Variants in LRP5 observed in about 807,000 individuals in gnomAD.
The protein encoded by LRP5 is LDL receptor related protein 5.
LRP5 carries 62 observed loss-of-function variants against 154.1 expected under a neutral mutation model. The ratio of observed to expected loss-of-function variants is 0.40; its 90% CI spans 0.33 to 0.50. The LOEUF (loss-of-function observed/expected upper bound fraction) is 0.50. Among genes scored for constraint, LRP5 ranks in the 20% least tolerant of loss-of-function variants. The pLI is 0.55. For missense variants in LRP5, 1,915 were observed against 2,336.7 expected (o/e 0.82, Z 3.72); for synonymous variants, 966 against 1,011.5 (o/e 0.96, Z 0.85).
intron 13 of LRP5, among the ~76,000 whole-genome samples, chr11:68,418,013 A>G (rs1319130559): frequency 1.3e-5 from 2 of 152,214 alleles, no homozygotes; most frequent in African/African-American, 4.8e-5. Context: ...GGCCTGTTCC[A>G]CAAATGATGT....
Position 68,416,431 on chromosome 11 carries a change from G to A in LRP5, c.2931G>A (p.Arg977=), listed in dbSNP as rs2098662582. ...PDLILPLHGL[R]NVKAIDYDPL... is the part of the protein sequence containing the mutation. ...TCATCCTGCCCCTGCATGGACTGAG[G>A]AACGTCAAAGCCATCGACTATGACC... The change falls in exon 13 of 23, where the codon AGG becomes AGA. Residue 977 remains arginine, a synonymous_variant. Transcript: ENST00000294304. 1 of 1,614,190 alleles carries A rather than the reference G, an allele frequency of 6.2e-7. No individual in the cohort carries two copies. Among genetic ancestry groups the A allele is most frequent in the Non-Finnish European group, 8.5e-7 (1 of 1,180,040 alleles).
intron 4 of LRP5, among the ~76,000 whole-genome samples, chr11:68,364,224 A>C (rs947859611): frequency 6.6e-6 from 1 of 151,932 alleles, no homozygotes; most frequent in African/African-American, 2.4e-5. Flanking sequence ...CAGCAGTGGC[A>C]AGGGGATTTC....
the LRP5 span, among the ~76,000 whole-genome samples, chr11:68,303,227 G>C: frequency 6.6e-6 from 1 of 152,176 alleles, no homozygotes; most frequent in African/African-American, 2.4e-5. Flanking sequence ...AACCTCCTGG[G>C]TTCAAGTGAT....
chr11:68,354,108 A>T lies in LRP5; in HGVS notation c.489-3542A>T, dbSNP rs79340085. 2.9e-3 allele frequency among the ~76,000 whole-genome samples: 434 copies of T among 152,248 alleles called. 14 individuals are homozygous for T. In the East Asian group the frequency reaches 0.079, roughly 28 times the overall value. On this transcript the variant is annotated intron_variant, in intron 2 of 22. Transcript: ENST00000294304. Reference sequence around the variant, plus strand: ...CAAATTAAAGCCAGGGTGAAACCCAACCCCCTCTTTAAAATGCAAAATGGC... The same window carrying T: ...CAAATTAAAGCCAGGGTGAAACCCATCCCCCTCTTTAAAATGCAAAATGGC...
chr11:68,426,469 G>C (rs974232696), intron 16 of LRP5, among the ~76,000 whole-genome samples: 1 of 142,482 alleles, frequency 7.0e-6, no homozygotes, highest in Non-Finnish European at 1.5e-5. Context: ...CTGTTGCCCA[G>C]GCTGGGGTGC....
In LRP5 at chr11:68,413,735, T is replaced by C. The variant is rs759051327; in HGVS notation, c.2550T>C (p.Gly850=). ...CCGACGATCTCCCGCACCCGTTCGG[T>C]CTGACGCAGTACAGCGATTATATCT... ...VIADDLPHPF[G]LTQYSDYIYW... is the part of the protein sequence containing the mutation. Residue 850 remains glycine, a synonymous_variant, in exon 12 of 23, where the codon GGT becomes GGC. Transcript: ENST00000294304. The surrounding 1 kb of genome is among the most constrained non-coding windows in gnomAD (Gnocchi z 5.1). 2 of 1,613,708 alleles carry C rather than the reference T, an allele frequency of 1.2e-6. No individual in the cohort carries two copies. The highest frequency in any genetic ancestry group is 2.7e-5 in the African/African-American group (2 of 75,030).
At chr11:68,371,454 G>C (rs1238308030) in intron 5 of LRP5, among the ~76,000 whole-genome samples, 1 of 152,238 alleles carries the variant, frequency 6.6e-6, no homozygotes, top group Non-Finnish European at 1.5e-5. Flanking sequence ...GCAGCCTGGG[G>C]CTTTAGTATC....
Position 68,449,045 on chromosome 11 carries a change from C to T in LRP5, c.4823C>T (p.Pro1608Leu), listed in dbSNP as rs890622542. The change falls in exon 23 of 23, where the codon CCG (proline) becomes CTG (leucine). Residue 1608 changes from proline (P) to leucine (L), a missense_variant. Coordinates refer to ENST00000294304, the MANE Select transcript of LRP5 (RefSeq NM_002335.4). ...RSYFHLFPPP[P>L]SPCTDSS is the part of the protein sequence containing the mutation. ...TACTTCCATCTCTTCCCGCCCCCTC[C>T]GTCCCCCTGCACGGACTCATCCTGA... is the stretch of plus-strand genomic sequence containing the variant. 2.2e-5 allele frequency: 35 copies of T among 1,578,110 alleles called. No individual in the cohort carries two copies. The highest frequency in any genetic ancestry group is 2.8e-5 in the Non-Finnish European group (33 of 1,164,968).
chr11:68,339,641 T>C (rs920005372), intron 1 of LRP5, among the ~76,000 whole-genome samples: 4 of 151,982 alleles, frequency 2.6e-5, no homozygotes, highest in East Asian at 1.9e-4. Context: ...CCACCATACC[T>C]GGCCATAATA....
At position 68,447,929 on chromosome 11, in the gene LRP5, TG is replaced by T. The variant is rs1402079385; in HGVS notation, c.4587-878del. 2.6e-5 allele frequency among the ~76,000 whole-genome samples: 4 copies of T among 152,264 alleles called. No individual in the cohort carries two copies. In the East Asian group the frequency reaches 5.8e-4, roughly 22 times the overall value. On this transcript the variant is annotated intron_variant, in intron 22 of 22. Transcript: ENST00000294304. The surrounding 1 kb of genome is among the most constrained non-coding windows in gnomAD (Gnocchi z 4.3). ...CGAGTCAGGTTGCTTGAACTCAGGA[TG>T]GAAGTGTTCCGGGCCCATTGGTTGC...
upstream of LRP5, among the ~76,000 whole-genome samples, chr11:68,310,791 C>CA (rs1219042054): frequency 1.3e-5 from 2 of 148,824 alleles, no homozygotes; most frequent in South Asian, 2.1e-4. Flanking sequence ...CAGCAGAGAA[C>CA]AGCAAGCACA....
intron 1 of LRP5, among the ~76,000 whole-genome samples, chr11:68,339,639 C>T (rs556497646): frequency 6.6e-6 from 1 of 152,304 alleles, no homozygotes; most frequent in Non-Finnish European, 1.5e-5. Flanking sequence ...AGCCACCATA[C>T]CTGGCCATAA....
At chr11:68,402,464 A>C (rs1270758479) in intron 7 of LRP5, among the ~76,000 whole-genome samples, 1 of 152,214 alleles carries the variant, frequency 6.6e-6, no homozygotes, top group Non-Finnish European at 1.5e-5. Flanking sequence ...GCTCAGACTT[A>C]GAACCAGAAG....
intron 7 of LRP5, among the ~76,000 whole-genome samples, chr11:68,396,117 G>A (rs2098649207): frequency 6.6e-6 from 1 of 152,084 alleles, no homozygotes; most frequent in South Asian, 2.1e-4. Flanking sequence ...GGTGGCTTCT[G>A]GGGACTCTGG....
At chr11:68,409,760 G>T (rs899867642) in intron 9 of LRP5, among the ~76,000 whole-genome samples, 154 bp from the exon 10 acceptor site, 8 of 151,672 alleles carry the variant, frequency 5.3e-5, no homozygotes, top group Non-Finnish European at 7.4e-5. Flanking sequence ...TAAGGCTGGA[G>T]AATCGCTTGA....
intron 9 of LRP5, among the ~76,000 whole-genome samples, chr11:68,407,318 A>C (rs181952215): frequency 0.011 from 1,639 of 151,674 alleles, 23 homozygotes; most frequent in African/African-American, 0.037. Flanking sequence ...ACAGACATGC[A>C]CCACCACACC....
At chr11:68,337,101 G>C (rs774447937) in intron 1 of LRP5, among the ~76,000 whole-genome samples, 18 of 152,240 alleles carry the variant, frequency 1.2e-4, no homozygotes, top group Admixed American at 3.9e-4. Flanking sequence ...GAATGTGTTG[G>C]GGGTATAACA....
intron 7 of LRP5, among the ~76,000 whole-genome samples, chr11:68,392,814 C>G (rs2098647107): frequency 6.6e-6 from 1 of 152,170 alleles, no homozygotes; most frequent in Admixed American, 6.5e-5. Context: ...TTCACCCACA[C>G]ATTGTCGCAC....
rs990448982 is a variant in LRP5, at chr11:68,386,870, G to T, written c.1412+158G>T. Among the ~76,000 whole-genome samples the T allele has an allele frequency of 1.3e-5, 2 of 152,226 alleles. No individual in the cohort carries two copies. Among genetic ancestry groups the T allele is most frequent in the African/African-American group, 4.8e-5 (2 of 41,460 alleles). On this transcript the variant is annotated intron_variant, in intron 6 of 22. Transcript: ENST00000294304. This position sits in a 1 kb window ranked among gnomAD's most constrained non-coding sequence, Gnocchi z 7.9. ...GCAGCTGGGCCCCACCCCCAGAGCG[G>T]TGATTCAGGAGCTCCAGGGCGGGGC...
Sources: allele counts gnomAD v4.1 joint callset (sites outside exome capture counted in the v4.1 genomes callset), GRCh38; gene constraint gnomAD v4.1.1; non-coding constraint Gnocchi (gnomAD v3.1); transcripts MANE v1.5; gene names NCBI Gene and HGNC (gene_info 2026-07-23, HGNC 2026-07-21).